Variants in GPR158 observed in about 807,000 individuals in gnomAD.
GPR158 encodes G protein-coupled receptor 158.
GPR158 carries 30 observed loss-of-function variants against 78.2 expected under a neutral mutation model. That is an observed-to-expected ratio of 0.38 (90% CI 0.29 to 0.52). GPR158 has a LOEUF of 0.52. Ranked by LOEUF, GPR158 falls within the 20% of genes least tolerant of loss-of-function variation. The pLI, the probability that GPR158 is intolerant of heterozygous loss-of-function variation, is 0.83. For synonymous variants in GPR158, 581 were observed against 591.1 expected (o/e 0.98, Z 0.25); for missense variants, 1,463 against 1,523.5 (o/e 0.96, Z 0.66).
chr10:25,541,157 C>G (rs1454646890), intron 5 of GPR158, among the ~76,000 whole-genome samples: 1 of 151,552 alleles, frequency 6.6e-6, no homozygotes, highest in Non-Finnish European at 1.5e-5. Context: ...TTAATTTTAC[C>G]AAACTAATGA....
chr10:25,349,164 G>A (rs1270577910), intron 2 of GPR158, among the ~76,000 whole-genome samples: 1 of 151,938 alleles, frequency 6.6e-6, no homozygotes, highest in Non-Finnish European at 1.5e-5. Context: ...TCTGTTTCTT[G>A]GTTGTTTGCA....
intron 5 of GPR158, among the ~76,000 whole-genome samples, chr10:25,542,034 C>G (rs1344713259): frequency 6.7e-6 from 1 of 150,056 alleles, no homozygotes; most frequent in Non-Finnish European, 1.5e-5. Context: ...AGATGTTCTT[C>G]AAATCCTTAT....
At chr10:25,540,800 G>C (rs1836568818) in intron 5 of GPR158, among the ~76,000 whole-genome samples, 1 of 151,874 alleles carries the variant, frequency 6.6e-6, no homozygotes, top group African/African-American at 2.4e-5. Flanking sequence ...CGTGGGGTGG[G>C]GGGAGTGGGG....
intron 1 of GPR158, among the ~76,000 whole-genome samples, chr10:25,184,734 C>G (rs1298419853): frequency 2.0e-5 from 3 of 152,200 alleles, no homozygotes; most frequent in Non-Finnish European, 2.9e-5. Flanking sequence ...AGATATGTCT[C>G]TCCTTTCTAA....
At chr10:25,212,726 G>A (rs565110723) in intron 1 of GPR158, among the ~76,000 whole-genome samples, 7 of 145,548 alleles carry the variant, frequency 4.8e-5, no homozygotes, top group African/African-American at 1.8e-4. Context: ...CTGCCTCCTG[G>A]GTTCAAGCGA....
intron 1 of GPR158, among the ~76,000 whole-genome samples, chr10:25,199,415 G>A (rs1482567249): frequency 6.6e-6 from 1 of 152,004 alleles, no homozygotes; most frequent in Non-Finnish European, 1.5e-5. Flanking sequence ...GCATTATTTG[G>A]TCTTCTGTTC....
At chr10:25,455,580 A>G (rs1298784161) in intron 4 of GPR158, among the ~76,000 whole-genome samples, 1 of 152,182 alleles carries the variant, frequency 6.6e-6, no homozygotes, top group Non-Finnish European at 1.5e-5. Context: ...AAGAAAGAAG[A>G]CTAATTAAAA....
At chr10:25,262,201 C>A (rs1853976840) in intron 2 of GPR158, among the ~76,000 whole-genome samples, 1 of 152,150 alleles carries the variant, frequency 6.6e-6, no homozygotes, top group Non-Finnish European at 1.5e-5. Context: ...GAATGATAGA[C>A]TTCTCTTGAC....
At chr10:25,470,285 T>G (rs1835480694) in intron 5 of GPR158, among the ~76,000 whole-genome samples, 1 of 152,160 alleles carries the variant, frequency 6.6e-6, no homozygotes. Flanking sequence ...AATGCAATGT[T>G]GTTGAGAAGT....
rs550603836 is a variant in GPR158 at position 25,597,864 on chromosome 10, G to T, written c.2238G>T (p.Ser746=). ...NNPHLQKKRC[S]KKGLGRSIMR... is the part of the protein sequence containing the mutation. ...CCCACCTCCAGAAAAAGCGGTGCTC[G>T]AAGAAGGGCCTAGGTCGTTCCATCA... Residue 746 remains serine, a synonymous_variant, in exon 11 of 11, where the codon TCG becomes TCT. Transcript: ENST00000376351. The T allele has an allele frequency of 1.2e-5, 18 of 1,554,978 alleles. No homozygotes were observed. In the South Asian group the frequency reaches 2.1e-4, roughly 18 times the overall value.
intron 4 of GPR158, among the ~76,000 whole-genome samples, chr10:25,416,313 G>T (rs1373433377): frequency 1.3e-5 from 2 of 152,086 alleles, no homozygotes; most frequent in African/African-American, 2.4e-5. Flanking sequence ...TCATTCATAG[G>T]TACACATGCA....
intron 2 of GPR158, among the ~76,000 whole-genome samples, chr10:25,329,959 A>G (rs908144940): frequency 1.1e-4 from 16 of 152,238 alleles, no homozygotes; most frequent in African/African-American, 3.6e-4. Context: ...AGAAGTTGTT[A>G]GTAAAGGTCT....
chr10:25,534,015 A>G (rs10828817), intron 5 of GPR158, among the ~76,000 whole-genome samples: 78,191 of 151,852 alleles, frequency 0.51, 21,076 homozygotes, highest in African/African-American at 0.69. Flanking sequence ...CTGGAATATA[A>G]CATGAATTCA....
At chr10:25,208,558 T>TTGTG (rs71399956) in intron 1 of GPR158, among the ~76,000 whole-genome samples, 3,228 of 135,204 alleles carry the variant, frequency 0.024, 127 homozygotes, top group African/African-American at 0.072. Flanking sequence ...CTATGTGAAT[T>TTGTG]TGTGTGTGTG....
intron 2 of GPR158, among the ~76,000 whole-genome samples, chr10:25,351,647 G>GCTT (rs201993088): frequency 0.047 from 7,055 of 149,022 alleles, 400 homozygotes; most frequent in African/African-American, 0.14. Context: ...TCAGTTACCT[G>GCTT]CTTTTAAGGG....
intron 2 of GPR158, among the ~76,000 whole-genome samples, chr10:25,240,778 A>G (rs1296973563): frequency 6.6e-6 from 1 of 152,230 alleles, no homozygotes; most frequent in Non-Finnish European, 1.5e-5. Flanking sequence ...TAATTGATCA[A>G]TCAGTAAATA....
At chr10:25,211,973 C>A (rs1021092055) in intron 1 of GPR158, among the ~76,000 whole-genome samples, 2 of 152,160 alleles carry the variant, frequency 1.3e-5, no homozygotes, top group Non-Finnish European at 2.9e-5. Flanking sequence ...GGCAAGTCCT[C>A]TTTTTCTTTT....
intron 9 of GPR158, among the ~76,000 whole-genome samples, chr10:25,594,873 G>A (rs1283083087): frequency 1.3e-5 from 2 of 152,086 alleles, no homozygotes; most frequent in East Asian, 1.9e-4. Context: ...CATGAAATGA[G>A]GAAAAATGAG....
At chr10:25,322,935 C>T (rs1015947218) in intron 2 of GPR158, among the ~76,000 whole-genome samples, 19 of 152,164 alleles carry the variant, frequency 1.2e-4, no homozygotes, top group African/African-American at 4.6e-4. Context: ...CAAGCTCCGC[C>T]TCCCAGGTTC....
Sources: gnomAD v4.1 joint callset for allele counts (sites outside exome capture counted in the v4.1 genomes callset) on GRCh38, gnomAD v4.1.1 for gene constraint, MANE v1.5 for transcripts, NCBI Gene and HGNC (gene_info 2026-07-23, HGNC 2026-07-21) for gene names.